The following RPS29 variants were observed in gnomAD, a reference collection of about 807,000 sequenced individuals.
The protein encoded by RPS29 is ribosomal protein S29.
For synonymous variants in RPS29, 37 were observed against 26.9 expected (o/e 1.37, Z -1.16); for missense variants, 60 against 75.7 (o/e 0.79, Z 0.77).
chr14:49,594,462 G>A (rs1340059276), intron 1 of RPS29, among the ~76,000 whole-genome samples: 1 of 152,196 alleles, frequency 6.6e-6, no homozygotes, highest in Non-Finnish European at 1.5e-5. Flanking sequence ...ATACGGCAGT[G>A]CTAAGAATGG....
At chr14:49,584,975 A>G (rs1455373572) in intron 2 of RPS29, among the ~76,000 whole-genome samples, 1 of 152,136 alleles carries the variant, frequency 6.6e-6, no homozygotes, top group African/African-American at 2.4e-5. Context: ...TAAGATGATC[A>G]AGAGATAGAA....
chr14:49,577,747 GCT>G, exon 3 of RPS29: 3 of 1,257,384 alleles, frequency 2.4e-6, no homozygotes, highest in Non-Finnish European at 3.5e-6. Flanking sequence ...TGAACTTGGT[GCT>G]CTTTTTGATG....
At chr14:49,580,099 A>C (rs1163911105), downstream of RPS29, among the ~76,000 whole-genome samples, 1 of 152,166 alleles carries the variant, frequency 6.6e-6, no homozygotes, top group African/African-American at 2.4e-5. Context: ...TCCATTACCT[A>C]AGGCACTGCA....
At chr14:49,579,644 A>C (rs1287030181), downstream of RPS29, among the ~76,000 whole-genome samples, 1 of 152,232 alleles carries the variant, frequency 6.6e-6, no homozygotes, top group African/African-American at 2.4e-5. Context: ...TTGAGCTTTT[A>C]CTAAGTAATT....
Position 49,583,642 on chromosome 14 carries a change from G to A in RPS29, c.*25C>T, listed in dbSNP as rs763233182. On this transcript the variant is annotated 3_prime_UTR_variant, in exon 3 of 3. Transcript: ENST00000245458. ...TGGTTTTTCATTGAGTAGATGCCCC[G>A]GATAATCCTCTGAAGGAAGAGCATT... is the stretch of plus-strand genomic sequence containing the variant. The A allele has an allele frequency of 1.1e-5, 17 of 1,578,784 alleles. No individual in the cohort carries two copies. Among genetic ancestry groups the A allele is most frequent in the Non-Finnish European group, 5.2e-6 (6 of 1,164,266 alleles).
chr14:49,579,790 G>A (rs1291176460), downstream of RPS29, among the ~76,000 whole-genome samples: 2 of 152,200 alleles, frequency 1.3e-5, no homozygotes, highest in African/African-American at 4.8e-5. Flanking sequence ...AATAAGAGAT[G>A]CATAGTCCTC....
intron 2 of RPS29, among the ~76,000 whole-genome samples, chr14:49,585,080 T>C (rs1291383779): frequency 6.6e-6 from 1 of 151,976 alleles, no homozygotes; most frequent in Admixed American, 6.6e-5. Context: ...TTTCAAACAT[T>C]TTGGGTTGGC....
At chr14:49,574,011 T>C (rs893839590) in exon 3 of RPS29, 15 of 152,232 alleles carry the variant, frequency 9.9e-5, no homozygotes, top group African/African-American at 3.6e-4. Flanking sequence ...CCAGGAATGT[T>C]TATCACTCCA....
downstream of RPS29, among the ~76,000 whole-genome samples, chr14:49,582,470 G>A (rs1881368157): frequency 6.6e-6 from 1 of 152,078 alleles, no homozygotes; most frequent in South Asian, 2.1e-4. Context: ...TTTCTTCTCT[G>A]ACCTCAACAT....
chr14:49,578,559 CTTTTTT>C (rs60555753), intron 2 of RPS29, among the ~76,000 whole-genome samples: 1 of 103,466 alleles, frequency 9.7e-6, no homozygotes, highest in Non-Finnish European at 1.8e-5. Context: ...AAAGCTTTCA[CTTTTTT>C]TTTTTTTTTT....
exon 3 of RPS29, chr14:49,577,428 A>G (rs926205607): frequency 5.8e-5 from 21 of 363,612 alleles, no homozygotes; most frequent in Non-Finnish European, 9.9e-5. Flanking sequence ...TGGCATTGGC[A>G]TTGGTGACTC....
At chr14:49,574,292 G>A (rs890558289) in exon 3 of RPS29, 5 of 152,156 alleles carry the variant, frequency 3.3e-5, no homozygotes, top group Non-Finnish European at 1.5e-5. Flanking sequence ...TGTACATGAA[G>A]CTACTGGTAC....
downstream of RPS29, among the ~76,000 whole-genome samples, chr14:49,583,127 G>C (rs188787078): frequency 6.6e-6 from 1 of 152,226 alleles, no homozygotes; most frequent in East Asian, 1.9e-4. Flanking sequence ...GCCTGAACCT[G>C]CCAGGTTTTG....
At chr14:49,584,490 C>T (rs1046913220) in intron 2 of RPS29, among the ~76,000 whole-genome samples, 2 of 152,206 alleles carry the variant, frequency 1.3e-5, no homozygotes, top group Non-Finnish European at 2.9e-5. Context: ...ACAGACAGGG[C>T]GCCGTGGATC....
intron 2 of RPS29, chr14:49,585,709 C>G: frequency 2.0e-6 from 1 of 510,136 alleles, no homozygotes; most frequent in Non-Finnish European, 3.5e-6. Flanking sequence ...ACTGGCTAAG[C>G]TATCTAGGTA....
upstream of RPS29, chr14:49,586,461 T>A: frequency 3.3e-6 from 3 of 914,818 alleles, no homozygotes; most frequent in Non-Finnish European, 3.6e-6. Flanking sequence ...GCGTGCGCAG[T>A]GTGGTCAGGT....
chr14:49,571,725 T>C (rs1881061769), exon 3 of RPS29: 1 of 152,222 alleles, frequency 6.6e-6, no homozygotes, highest in African/African-American at 2.4e-5. Flanking sequence ...TATCAATGTG[T>C]TGAGAGGGTG....
At chr14:49,578,559 CTTT>C (rs60555753) in intron 2 of RPS29, among the ~76,000 whole-genome samples, 2 of 103,460 alleles carry the variant, frequency 1.9e-5, no homozygotes, top group Admixed American at 1.3e-4. Context: ...AAAGCTTTCA[CTTT>C]TTTTTTTTTT....
chr14:49,583,563 C>A, downstream of RPS29: 1 of 1,267,038 alleles, frequency 7.9e-7, no homozygotes, highest in Non-Finnish European at 1.1e-6. Flanking sequence ...CATTAGAACA[C>A]TCATAAACTG....
Sources: gnomAD v4.1 joint callset for allele counts (sites outside exome capture counted in the v4.1 genomes callset) on GRCh38, gnomAD v4.1.1 for gene constraint, MANE v1.5 for transcripts, NCBI Gene and HGNC (gene_info 2026-07-23, HGNC 2026-07-21) for gene names.